The following KLHL4 variants were observed in gnomAD, a reference collection of about 807,000 sequenced individuals.
KLHL4 encodes kelch-like protein 4.
A neutral mutation model predicts 45.8 loss-of-function variants in KLHL4; 17 were observed. The ratio of observed to expected loss-of-function variants is 0.37; its 90% CI spans 0.25 to 0.56. The LOEUF (loss-of-function observed/expected upper bound fraction) is 0.56, where lower values mean the gene tolerates loss of function less well. Ranked by LOEUF, KLHL4 falls within the 20% of genes least tolerant of loss-of-function variation. The pLI is 0.79. For missense variants in KLHL4, 544 were observed against 544.9 expected (o/e 1.00, Z 0.02); for synonymous variants, 224 against 189.9 (o/e 1.18, Z -1.47).
rs1206233100 is a variant in KLHL4, at chrX:87,643,682, G to C, written c.1925+7907G>C. Among the ~76,000 whole-genome samples, 3 of 111,566 alleles carry C rather than the reference G, an allele frequency of 2.7e-5. No homozygotes were observed. The Admixed American group carries it at 2.9e-4, about 11-fold the overall frequency. On this transcript the variant is annotated intron_variant, in intron 9 of 10. Coordinates refer to ENST00000373119, the MANE Select transcript of KLHL4 (RefSeq NM_019117.5). Reference sequence around the variant, plus strand: ...CAGTACTAGTTAACAGAATCCAACAGCATGTCAAAAAGATAATACACCATG... The same window carrying C: ...CAGTACTAGTTAACAGAATCCAACACCATGTCAAAAAGATAATACACCATG...
chrX:87,537,972 A>G (rs1476090326), intron 1 of KLHL4, among the ~76,000 whole-genome samples: 2 of 111,580 alleles, frequency 1.8e-5, no homozygotes, highest in Non-Finnish European at 3.8e-5. Flanking sequence ...ACAATCCTGT[A>G]CTTAATGCCA....
chrX:87,625,863 G>A, intron 6 of KLHL4, 67 bp downstream of exon 6: 1 of 894,472 alleles, frequency 1.1e-6, no homozygotes, highest in Non-Finnish European at 1.6e-6. Context: ...AATTATAAGG[G>A]TGATATTAAA....
At chrX:87,594,546 C>T (rs1054380299) in intron 1 of KLHL4, among the ~76,000 whole-genome samples, 15 of 111,204 alleles carry the variant, frequency 1.3e-4, no homozygotes, top group African/African-American at 4.9e-4. Context: ...TTCCTAAATC[C>T]CTTCTAACAA....
intron 1 of KLHL4, among the ~76,000 whole-genome samples, chrX:87,530,765 T>C (rs1213310856): frequency 2.0e-5 from 2 of 100,790 alleles, no homozygotes; most frequent in Admixed American, 2.2e-4. Flanking sequence ...GCATGATTTA[T>C]AGTCCTTTTG....
intron 1 of KLHL4, among the ~76,000 whole-genome samples, chrX:87,546,845 A>C (rs909405661): frequency 8.9e-6 from 1 of 112,795 alleles, no homozygotes; most frequent in East Asian, 2.8e-4. Flanking sequence ...AGGTTTAATG[A>C]CTGCCCTGCT....
intron 1 of KLHL4, among the ~76,000 whole-genome samples, chrX:87,570,027 C>T (rs1433180769): frequency 9.0e-6 from 1 of 111,071 alleles, no homozygotes; most frequent in Admixed American, 9.6e-5. Flanking sequence ...TTGAACAAGT[C>T]TGTTATGTTC....
intron 1 of KLHL4, among the ~76,000 whole-genome samples, chrX:87,576,522 G>T (rs992455431): frequency 3.6e-5 from 4 of 111,262 alleles, no homozygotes; most frequent in African/African-American, 1.3e-4. Context: ...AATAAAAGCG[G>T]TTTTTATAAA....
At chrX:87,561,045 C>A (rs1418122346) in intron 1 of KLHL4, among the ~76,000 whole-genome samples, 2 of 110,800 alleles carry the variant, frequency 1.8e-5, no homozygotes, top group Non-Finnish European at 3.8e-5. Context: ...AATTATGAAA[C>A]TGCTAGAAAA....
At chrX:87,534,025 C>T (rs1240669790) in intron 1 of KLHL4, among the ~76,000 whole-genome samples, 1 of 111,276 alleles carries the variant, frequency 9.0e-6, no homozygotes, top group Non-Finnish European at 1.9e-5. Context: ...CTGTGATAAA[C>T]GTGACACAAA....
intron 6 of KLHL4, among the ~76,000 whole-genome samples, chrX:87,631,380 G>C (rs1057394551): frequency 2.7e-5 from 3 of 111,513 alleles, no homozygotes; most frequent in African/African-American, 9.8e-5. Context: ...GATTTGGGGG[G>C]CTGCTTTTGA....
At chrX:87,604,703 C>T (rs1922135138) in intron 1 of KLHL4, among the ~76,000 whole-genome samples, 1 of 111,067 alleles carries the variant, frequency 9.0e-6, no homozygotes, top group South Asian at 3.7e-4. Context: ...AATATTTTCT[C>T]ACAATTTGAA....
intron 6 of KLHL4, among the ~76,000 whole-genome samples, chrX:87,626,673 T>C (rs1435859334): frequency 1.8e-5 from 2 of 110,043 alleles, no homozygotes; most frequent in Non-Finnish European, 3.8e-5. Context: ...AAACTCAGTA[T>C]TTATCTTATT....
intron 5 of KLHL4, 87 bp from the exon 6 acceptor site, chrX:87,625,523 G>A (rs911115508): frequency 2.3e-5 from 19 of 833,236 alleles, no homozygotes; most frequent in African/African-American, 6.2e-5. Context: ...ACGCCACTGC[G>A]CCCAGCCTCT....
At chrX:87,658,620 T>C (rs1252179600) in intron 9 of KLHL4, among the ~76,000 whole-genome samples, 3 of 111,340 alleles carry the variant, frequency 2.7e-5, no homozygotes, top group African/African-American at 9.8e-5. Context: ...CTCTCAATTT[T>C]CCACCGAACC....
intron 1 of KLHL4, among the ~76,000 whole-genome samples, chrX:87,529,541 A>C (rs1192521921): frequency 8.9e-6 from 1 of 111,885 alleles, no homozygotes; most frequent in Non-Finnish European, 1.9e-5. Flanking sequence ...ACTTTTCTGT[A>C]GTTCCCTAGG....
chrX:87,557,758 CGGTTTTAAAAGTTAT>C (rs1166387433), intron 1 of KLHL4, among the ~76,000 whole-genome samples: 3 of 81,757 alleles, frequency 3.7e-5, no homozygotes, highest in African/African-American at 9.7e-5. Context: ...GTGATAGATA[CGGTTTTAAAAGTTAT>C]TTTGAAAATA....
At chrX:87,545,183 T>C (rs950867693) in intron 1 of KLHL4, among the ~76,000 whole-genome samples, 4 of 112,673 alleles carry the variant, frequency 3.6e-5, no homozygotes, top group Admixed American at 2.8e-4. Context: ...GGTTATTTAG[T>C]AGCAGAAAGA....
At chrX:87,568,535 A>G (rs1224906198) in intron 1 of KLHL4, among the ~76,000 whole-genome samples, 3 of 109,605 alleles carry the variant, frequency 2.7e-5, no homozygotes, top group Non-Finnish European at 3.8e-5. Flanking sequence ...AAATCTTAGC[A>G]TAAAGCTACA....
intron 1 of KLHL4, among the ~76,000 whole-genome samples, chrX:87,542,492 A>G (rs987398047): frequency 1.8e-5 from 2 of 112,329 alleles, no homozygotes; most frequent in Non-Finnish European, 3.8e-5. Flanking sequence ...CATGCCCTTG[A>G]TGTAAGACAT....
Sources: allele counts gnomAD v4.1 joint callset (sites outside exome capture counted in the v4.1 genomes callset), GRCh38; gene constraint gnomAD v4.1.1; transcripts MANE v1.5; gene names NCBI Gene and HGNC (gene_info 2026-07-23, HGNC 2026-07-21).